Variants in BCKDHB observed in about 807,000 individuals in gnomAD.
BCKDHB encodes branched chain keto acid dehydrogenase E1 subunit beta.
BCKDHB carries 41 observed loss-of-function variants against 48.5 expected under a neutral mutation model. The observed-to-expected ratio is 0.85, with a 90% confidence interval of 0.66 to 1.10. BCKDHB has a LOEUF of 1.10. BCKDHB is among the 50% of genes least tolerant of loss of function. The pLI, the probability that BCKDHB is intolerant of heterozygous loss-of-function variation, is 0.00. For synonymous variants in BCKDHB, 201 were observed against 174.8 expected (o/e 1.15, Z -1.18); for missense variants, 496 against 494.2 (o/e 1.00, Z -0.03).
intron 3 of BCKDHB, among the ~76,000 whole-genome samples, chr6:80,144,752 A>G (rs1178230961): frequency 1.3e-5 from 2 of 152,154 alleles, no homozygotes; most frequent in Non-Finnish European, 2.9e-5. Context: ...CTCCCATTAC[A>G]TTGAAAGATT....
chr6:80,442,723 G>T, the BCKDHB span, among the ~76,000 whole-genome samples: 1 of 152,146 alleles, frequency 6.6e-6, no homozygotes, highest in Non-Finnish European at 1.5e-5. Context: ...CTAGTGAGGG[G>T]AGAGTATCTT....
intron 9 of BCKDHB, among the ~76,000 whole-genome samples, chr6:80,291,850 A>G (rs1314244450): frequency 6.6e-6 from 1 of 152,228 alleles, no homozygotes; most frequent in African/African-American, 2.4e-5. Context: ...TAGTGGTAAG[A>G]CCAAGTTGTT....
At chr6:80,242,955 G>A (rs1776448369) in intron 8 of BCKDHB, among the ~76,000 whole-genome samples, 1 of 152,146 alleles carries the variant, frequency 6.6e-6, no homozygotes, top group South Asian at 2.1e-4. Context: ...GGCTGGTTTG[G>A]CAGGCAGAGA....
chr6:80,257,777 G>T (rs1167888514), intron 8 of BCKDHB, among the ~76,000 whole-genome samples: 1 of 152,036 alleles, frequency 6.6e-6, no homozygotes, highest in African/African-American at 2.4e-5. Context: ...AGTCCAAAGG[G>T]CTGGAGCCTA....
intron 9 of BCKDHB, among the ~76,000 whole-genome samples, chr6:80,281,806 A>G (rs887552492): frequency 4.6e-5 from 7 of 151,920 alleles, no homozygotes; most frequent in African/African-American, 7.3e-5. Flanking sequence ...GTTTTTAAAC[A>G]TCTATCAAAC....
intron 9 of BCKDHB, among the ~76,000 whole-genome samples, chr6:80,312,591 A>G (rs1768224839): frequency 6.6e-6 from 1 of 151,984 alleles, no homozygotes; most frequent in African/African-American, 2.4e-5. Flanking sequence ...CTTAGTAGCT[A>G]GAGGTATGTT....
rs1767011632 is a variant in BCKDHB, at chr6:80,292,972, T to C, written c.1038+19751T>C. Among the ~76,000 whole-genome samples, 3 of 152,234 alleles carry C rather than the reference T, an allele frequency of 2.0e-5. 1 individual carries two copies. Among genetic ancestry groups the C allele is most frequent in the African/African-American group, 2.4e-5 (1 of 41,464 alleles). ...GGTCAGGCTAATGCAAGAGGTGGGT[T>C]CCCATGGTCTTGGGCAGAGCTGCCC... is the stretch of plus-strand genomic sequence containing the variant. On this transcript the variant is annotated intron_variant, in intron 9 of 9. Coordinates refer to ENST00000320393, the MANE Select transcript of BCKDHB (RefSeq NM_183050.4).
chr6:80,441,460 C>G, the BCKDHB span, among the ~76,000 whole-genome samples: 1 of 152,142 alleles, frequency 6.6e-6, no homozygotes, highest in Admixed American at 6.6e-5. Context: ...AAGGTCTTCT[C>G]TGTGTTGATT....
chr6:80,464,520 A>C, the BCKDHB span, among the ~76,000 whole-genome samples: 84 of 152,290 alleles, frequency 5.5e-4, no homozygotes, highest in Admixed American at 5.5e-3. Context: ...ATTTCTATGA[A>C]TAATTGCTCA....
chr6:80,301,139 A>G (rs1767559518), intron 9 of BCKDHB, among the ~76,000 whole-genome samples: 2 of 151,896 alleles, frequency 1.3e-5, no homozygotes, highest in Non-Finnish European at 2.9e-5. Flanking sequence ...CTAGGAAGGA[A>G]AAAAAAAGAA....
chr6:80,247,855 T>C (rs1047134430), intron 8 of BCKDHB, among the ~76,000 whole-genome samples: 14 of 152,198 alleles, frequency 9.2e-5, no homozygotes, highest in Non-Finnish European at 1.9e-4. Flanking sequence ...CACTTTAACA[T>C]TGGGGTGGTT....
chr6:80,293,115 G>A (rs1328379835), intron 9 of BCKDHB, among the ~76,000 whole-genome samples: 4 of 152,134 alleles, frequency 2.6e-5, no homozygotes, highest in African/African-American at 4.8e-5. Flanking sequence ...TTTTGGGGTC[G>A]AGAGGACGGT....
intron 8 of BCKDHB, among the ~76,000 whole-genome samples, chr6:80,259,297 G>T (rs1777189576): frequency 6.6e-6 from 1 of 152,196 alleles, no homozygotes; most frequent in Non-Finnish European, 1.5e-5. Context: ...TATGGTTTCA[G>T]TGTCACTGAT....
chr6:80,425,887 A>G, the BCKDHB span, among the ~76,000 whole-genome samples: 1 of 152,204 alleles, frequency 6.6e-6, no homozygotes, highest in African/African-American at 2.4e-5. Flanking sequence ...ACAGAGGCTG[A>G]GGGTAATATT....
At chr6:80,167,531 C>A in intron 3 of BCKDHB, 147 bp from the exon 4 acceptor site, 1 of 857,014 alleles carries the variant, frequency 1.2e-6, no homozygotes, top group Non-Finnish European at 1.8e-6. Context: ...TGTGAGCCAC[C>A]GTGGCTAGCC....
Position 80,343,851 on chromosome 6 carries a change from A to G in BCKDHB, c.*47A>G. 1 of 1,597,134 alleles carries G rather than the reference A, an allele frequency of 6.3e-7. No homozygotes were observed. The highest frequency in any genetic ancestry group is 8.6e-7 in the Non-Finnish European group (1 of 1,164,782). ...TTGAGAAAGCTACTATGTGCCCCTG[A>G]CATTAACGTACTGTTAACCAAGACA... On this transcript the variant is annotated 3_prime_UTR_variant, in exon 10 of 10. Coordinates refer to ENST00000320393, the MANE Select transcript of BCKDHB (RefSeq NM_183050.4).
At position 80,137,086 on chromosome 6, in the gene BCKDHB, C is replaced by T. The variant is rs544027699; in HGVS notation, c.343+7857C>T. Reference sequence around the variant, plus strand: ...AAATTAGAATTTCCATATGATGCAGCAATATGCCTTTCTTTTTATCTCATT... The same window carrying T: ...AAATTAGAATTTCCATATGATGCAGTAATATGCCTTTCTTTTTATCTCATT... On this transcript the variant is annotated intron_variant, in intron 3 of 9. Coordinates refer to ENST00000320393, the MANE Select transcript of BCKDHB (RefSeq NM_183050.4). 2.9e-4 allele frequency among the ~76,000 whole-genome samples: 44 copies of T among 152,216 alleles called. 2 individuals are homozygous for T. The South Asian group carries it at 9.1e-3, about 32-fold the overall frequency.
At chr6:80,376,754 G>T in the BCKDHB span, among the ~76,000 whole-genome samples, 3 of 152,118 alleles carry the variant, frequency 2.0e-5, no homozygotes, top group African/African-American at 7.2e-5. Context: ...GTTGGAGTGT[G>T]GGCAGATTAT....
At chr6:80,200,561 A>G (rs1774341928) in intron 6 of BCKDHB, among the ~76,000 whole-genome samples, 1 of 152,214 alleles carries the variant, frequency 6.6e-6, no homozygotes. Flanking sequence ...AAGTTCTTAG[A>G]TACCACACAC....
Sources: gnomAD v4.1 joint callset for allele counts (sites outside exome capture counted in the v4.1 genomes callset) on GRCh38, gnomAD v4.1.1 for gene constraint, MANE v1.5 for transcripts, NCBI Gene and HGNC (gene_info 2026-07-23, HGNC 2026-07-21) for gene names.